The following IQSEC3 variants were observed in gnomAD, a reference collection of about 807,000 sequenced individuals.
IQSEC3 encodes IQ motif and Sec7 domain ArfGEF 3.
Under a neutral mutation model 105.4 loss-of-function variants are expected in IQSEC3, and 50 were observed. The ratio of observed to expected loss-of-function variants is 0.47; its 90% CI spans 0.38 to 0.60. IQSEC3 has a LOEUF of 0.60. Ranked by LOEUF, IQSEC3 falls within the 20% of genes least tolerant of loss-of-function variation. The pLI, the probability that IQSEC3 is intolerant of heterozygous loss-of-function variation, is 0.00. For missense variants in IQSEC3, 1,415 were observed against 1,630.0 expected (o/e 0.87, Z 2.27); for synonymous variants, 708 against 746.0 (o/e 0.95, Z 0.83).
At chr12:158,306 G>A (rs576275127) in intron 7 of IQSEC3, among the ~76,000 whole-genome samples, 92 of 152,282 alleles carry the variant, frequency 6.0e-4, no homozygotes, top group African/African-American at 2.1e-3. Context: ...CTTCTCCAGA[G>A]GCAACCACTT....
At chr12:143,855 G>GTGTGTGTA (rs1555090124) in intron 5 of IQSEC3, 1 of 159,720 alleles carries the variant, frequency 6.3e-6, no homozygotes, top group Non-Finnish European at 1.4e-5. Context: ...GTGTGTGTGT[G>GTGTGTGTA]TGTGTGTGTG....
intron 2 of IQSEC3, 122 bp from the exon 3 acceptor site, chr12:125,511 C>T (rs781971480): frequency 4.1e-6 from 4 of 984,998 alleles, no homozygotes; most frequent in Non-Finnish European, 4.2e-6. Flanking sequence ...GAAAGACACC[C>T]CCTCCAGTCC....
At chr12:82,666 T>C (rs992997002) in intron 1 of IQSEC3, among the ~76,000 whole-genome samples, 1 of 152,138 alleles carries the variant, frequency 6.6e-6, no homozygotes, top group Non-Finnish European at 1.5e-5. Context: ...TTACTATGAG[T>C]GAGGCACGGT....
chr12:156,923 G>A lies in IQSEC3; in HGVS notation c.2154-102G>A, dbSNP rs555511909. The A allele has an allele frequency of 9.8e-6, 13 of 1,333,152 alleles. No homozygotes were observed. In the African/African-American group the frequency reaches 1.8e-4, roughly 19 times the overall value. The allele number at this position is 1,333,152 out of a possible 1,614,324, so 82.6% of individuals were successfully genotyped here. A position where few individuals can be genotyped will look rare whatever the true frequency, so the allele number is the denominator to read the frequency against. On this transcript the variant is annotated intron_variant, in intron 5 of 13. Coordinates refer to ENST00000538872, the MANE Select transcript of IQSEC3 (RefSeq NM_001170738.2). ...ACCCCCGGGGGTGAGTAGCCTGAGG[G>A]GCCCTGCACCTGTCCTGGCTGGGAA...
At chr12:140,772 C>G (rs782518763) in intron 4 of IQSEC3, 27 of 233,136 alleles carry the variant, frequency 1.2e-4, no homozygotes, top group South Asian at 1.7e-4. Flanking sequence ...CTCCCACCCT[C>G]TCTCCAGGGT....
At chr12:114,630 G>C (rs531156375) in intron 2 of IQSEC3, among the ~76,000 whole-genome samples, 7 of 152,344 alleles carry the variant, frequency 4.6e-5, no homozygotes, top group Non-Finnish European at 8.8e-5. Flanking sequence ...CTAGACATCA[G>C]GGCAGGAGAG....
chr12:149,531 G>T (rs77344153), intron 5 of IQSEC3, among the ~76,000 whole-genome samples: 318 of 152,282 alleles, frequency 2.1e-3, no homozygotes, highest in East Asian at 0.018. Context: ...GTCATTCCTG[G>T]TCATCTCTCA....
chr12:87,585 A>G (rs983589804), intron 1 of IQSEC3, among the ~76,000 whole-genome samples: 8 of 152,334 alleles, frequency 5.3e-5, no homozygotes, highest in Admixed American at 2.6e-4. Context: ...ACAAGCAGAC[A>G]ACTCTTTTTG....
intron 2 of IQSEC3, among the ~76,000 whole-genome samples, chr12:113,537 G>A (rs184260256): frequency 6.6e-6 from 1 of 152,188 alleles, no homozygotes; most frequent in South Asian, 2.1e-4. Flanking sequence ...GGCCTGGTGG[G>A]ATCTTGGTGT....
At position 168,756 on chromosome 12, in the gene IQSEC3, A is replaced by C. The variant is rs114657039; in HGVS notation, c.2972-257A>C. Among the ~76,000 whole-genome samples, 567 of 152,274 alleles carry C rather than the reference A, an allele frequency of 3.7e-3. 5 individuals are homozygous for C. Among genetic ancestry groups the C allele is most frequent in the African/African-American group, 0.013 (536 of 41,548 alleles). On this transcript the variant is annotated intron_variant, in intron 11 of 13. Transcript: ENST00000538872. ...CAAACCCAGGCAGTTCACCTCCCTCACATCGGCCTCTTCTGTGCCTCTCTG... is the reference window on the plus strand; with the variant it reads ...CAAACCCAGGCAGTTCACCTCCCTCCCATCGGCCTCTTCTGTGCCTCTCTG...
chr12:126,119 C>T (rs1865397251), intron 3 of IQSEC3, among the ~76,000 whole-genome samples: 1 of 152,246 alleles, frequency 6.6e-6, no homozygotes, highest in Admixed American at 6.5e-5. Flanking sequence ...GGCTCATACC[C>T]TCGCAATGCC....
intron 2 of IQSEC3, among the ~76,000 whole-genome samples, chr12:123,538 C>T (rs4980976): frequency 0.26 from 39,602 of 152,050 alleles, 5,804 homozygotes; most frequent in Non-Finnish European, 0.33. Flanking sequence ...TAGAAAAAGG[C>T]AGCAGCAATG....
In IQSEC3 at chr12:138,440, C is replaced by A; in HGVS notation, c.1077C>A (p.Pro359=). The A allele has an allele frequency of 6.2e-7, 1 of 1,605,734 alleles. No individual in the cohort carries two copies. The highest frequency in any genetic ancestry group is 8.5e-7 in the Non-Finnish European group (1 of 1,179,430). The change falls in exon 4 of 14, where the codon CCC becomes CCA. Residue 359 remains proline (P), a synonymous_variant. Transcript: ENST00000538872. The surrounding 1 kb of genome is among the most constrained non-coding windows in gnomAD (Gnocchi z 7.1). ...RRISLRKVRS[P]TAESLAAEKA... Reference sequence around the variant, plus strand: ...TCTCCCTGCGCAAGGTGCGGTCACCCACGGCCGAGAGCCTGGCGGCCGAGA... The same window carrying A: ...TCTCCCTGCGCAAGGTGCGGTCACCAACGGCCGAGAGCCTGGCGGCCGAGA...
In IQSEC3 at chr12:152,788, T is replaced by C. The variant is rs1331334093; in HGVS notation, c.2154-4237T>C. Among the ~76,000 whole-genome samples the C allele has an allele frequency of 6.6e-6, 1 of 152,188 alleles. No individual in the cohort carries two copies. Among genetic ancestry groups the C allele is most frequent in the Non-Finnish European group, 1.5e-5 (1 of 68,044 alleles). On this transcript the variant is annotated intron_variant, in intron 5 of 13. Transcript: ENST00000538872. This position sits in a 1 kb window ranked among gnomAD's most constrained non-coding sequence, Gnocchi z 4.8. ...TAGGAAGCTGAAAGCCTGCTCTCCC[T>C]AGCTGTGGGAGCATGGGGCCAGCCC...
At chr12:103,891 A>T (rs117573450) in intron 2 of IQSEC3, among the ~76,000 whole-genome samples, 1 of 8,210 alleles carries the variant, frequency 1.2e-4, no homozygotes. Context: ...GGGGCTCGGG[A>T]GGGGAGGCGG....
At chr12:125,958 C>T in intron 3 of IQSEC3, 46 bp downstream of exon 3, 1 of 1,505,208 alleles carries the variant, frequency 6.6e-7, no homozygotes. Context: ...TGAAGGGGCC[C>T]TGCTTTGGGG....
At chr12:139,443 G>A (rs571036142) in intron 4 of IQSEC3, 89 bp downstream of exon 4, 19 of 1,134,158 alleles carry the variant, frequency 1.7e-5, no homozygotes, top group Non-Finnish European at 2.3e-5. Flanking sequence ...CAAGCAGGGC[G>A]CCAGGTAACT....
chr12:172,072 C>T (rs2137072625), intron 13 of IQSEC3, among the ~76,000 whole-genome samples: 1 of 152,282 alleles, frequency 6.6e-6, no homozygotes, highest in Non-Finnish European at 1.5e-5. Flanking sequence ...CCACCGGCTG[C>T]TCATACAGAC....
intron 3 of IQSEC3, among the ~76,000 whole-genome samples, chr12:130,121 A>C (rs1408387735): frequency 6.6e-6 from 1 of 152,186 alleles, no homozygotes; most frequent in Non-Finnish European, 1.5e-5. Flanking sequence ...ACAGCACTGC[A>C]CAGCTGCTCT....
Sources: gnomAD v4.1 joint callset for allele counts (sites outside exome capture counted in the v4.1 genomes callset) on GRCh38, gnomAD v4.1.1 for gene constraint, Gnocchi (gnomAD v3.1) non-coding constraint, MANE v1.5 for transcripts, NCBI Gene and HGNC (gene_info 2026-07-23, HGNC 2026-07-21) for gene names.